The following RBMS3 variants were observed in gnomAD, a reference collection of about 807,000 sequenced individuals.
RBMS3 encodes the protein RNA-binding motif, single-stranded-interacting protein 3.
A neutral mutation model predicts 66.8 loss-of-function variants in RBMS3; 27 were observed. The observed-to-expected ratio is 0.40, with a 90% confidence interval of 0.30 to 0.56. The LOEUF (loss-of-function observed/expected upper bound fraction) is 0.56. RBMS3 is among the 20% of genes least tolerant of loss of function. RBMS3 has a pLI of 0.40. For synonymous variants in RBMS3, 188 were observed against 183.0 expected (o/e 1.03, Z -0.22); for missense variants, 513 against 549.5 (o/e 0.93, Z 0.66).
chr3:29,620,168 T>C (rs529432109), intron 4 of RBMS3, among the ~76,000 whole-genome samples: 77 of 152,280 alleles, frequency 5.1e-4, no homozygotes, highest in African/African-American at 1.8e-3. Flanking sequence ...AATTTAATAA[T>C]TTTTTTCTTG....
At chr3:29,878,085 T>A (rs1269104644) in intron 7 of RBMS3, among the ~76,000 whole-genome samples, 2 of 152,010 alleles carry the variant, frequency 1.3e-5, no homozygotes, top group African/African-American at 4.8e-5. Context: ...TTAGTTAGAT[T>A]CTCAAAAGGA....
At chr3:29,922,540 G>A (rs1021218494) in intron 10 of RBMS3, among the ~76,000 whole-genome samples, 2 of 150,760 alleles carry the variant, frequency 1.3e-5, no homozygotes, top group South Asian at 2.1e-4. Flanking sequence ...CTCAGCATTC[G>A]TGAATGGATG....
At chr3:29,525,797 C>T (rs1480251832) in intron 3 of RBMS3, among the ~76,000 whole-genome samples, 3 of 152,138 alleles carry the variant, frequency 2.0e-5, no homozygotes, top group African/African-American at 7.2e-5. Context: ...TTTCAAGCTC[C>T]TCACAGTTGT....
At chr3:29,399,816 A>G (rs1200656108) in intron 1 of RBMS3, among the ~76,000 whole-genome samples, 1 of 152,196 alleles carries the variant, frequency 6.6e-6, no homozygotes, top group Admixed American at 6.5e-5. Flanking sequence ...ATAGGCAGGT[A>G]GAGAAGTAAA....
chr3:29,434,819 A>G lies in RBMS3; in HGVS notation c.152A>G (p.Asn51Ser). The G allele has an allele frequency of 1.2e-6, 2 of 1,614,060 alleles. No homozygotes were observed. Among genetic ancestry groups the G allele is most frequent in the Non-Finnish European group, 1.7e-6 (2 of 1,179,960 alleles). ...AACAGCAGCAGCAACAACAGCAGCA[A>G]CAACAGCAGCGGGGAACAGTTGAGT... The part of the protein sequence containing the change: ...STNSSSNNSS[N>S]NSSGEQLSKT... Residue 51 changes from asparagine (N) to serine (S), a missense_variant, in exon 2 of 15, where the codon AAC becomes AGC. Physicochemically the swap from Asn to Ser is conservative, Grantham distance 46. Transcript: ENST00000383767.
intron 4 of RBMS3, among the ~76,000 whole-genome samples, chr3:29,604,720 T>G (rs2048263399): frequency 1.3e-5 from 2 of 151,960 alleles, no homozygotes; most frequent in African/African-American, 4.8e-5. Context: ...CTGGATAATT[T>G]GCAATGGATG....
In RBMS3 at chr3:29,790,340, G is replaced by T. The variant is rs562232297; in HGVS notation, c.637+27351G>T. Among the ~76,000 whole-genome samples, 413 of 152,226 alleles carry T rather than the reference G, an allele frequency of 2.7e-3. 2 individuals carry two copies. The highest frequency in any genetic ancestry group is 8.9e-3 in the African/African-American group (368 of 41,536). The stretch of plus-strand genomic sequence containing the variant: ...ATGATATCACTCAATTTTGTGAGGC[G>T]TCTTTTGTAAAGTATAGTAGGCCAT... On this transcript the variant is annotated intron_variant, in intron 6 of 14. Coordinates refer to ENST00000383767, the MANE Select transcript of RBMS3 (RefSeq NM_001003793.3).
At chr3:29,620,617 G>T (rs571725224) in intron 4 of RBMS3, among the ~76,000 whole-genome samples, 1 of 151,678 alleles carries the variant, frequency 6.6e-6, no homozygotes, top group East Asian at 1.9e-4. Context: ...TTTCATATTG[G>T]CATTTAAAAG....
chr3:29,302,916 A>C (rs2033776154), intron 1 of RBMS3, among the ~76,000 whole-genome samples: 1 of 152,046 alleles, frequency 6.6e-6, no homozygotes, highest in African/African-American at 2.4e-5. Context: ...GTTGATCATA[A>C]AGGGATGTTT....
At chr3:29,393,308 A>G (rs2039394381) in intron 1 of RBMS3, among the ~76,000 whole-genome samples, 1 of 152,220 alleles carries the variant, frequency 6.6e-6, no homozygotes, top group Non-Finnish European at 1.5e-5. Context: ...GAAAATAAAT[A>G]CAGCATAATG....
intron 4 of RBMS3, among the ~76,000 whole-genome samples, chr3:29,688,564 ATTTTTTTTTTTTTTTTTTT>A (rs55943638): frequency 2.4e-3 from 159 of 67,124 alleles, no homozygotes; most frequent in South Asian, 5.2e-3. Flanking sequence ...AAGTTACAGG[ATTTTTTTTTTTTTTTTTTT>A]TTTTTTTTTT....
Position 29,982,231 on chromosome 3 carries a change from C to T in RBMS3, c.1099-5912C>T, listed in dbSNP as rs998291451. 5.3e-5 allele frequency among the ~76,000 whole-genome samples: 8 copies of T among 152,104 alleles called. 1 individual carries two copies. The highest frequency in any genetic ancestry group is 1.7e-4 in the African/African-American group (7 of 41,432). Reference sequence around the variant, plus strand: ...TGCATAGAGGTGTTTATAGTATTATCTGATTGTAGTTTGTGTTTCTGTGAG... The same window carrying T: ...TGCATAGAGGTGTTTATAGTATTATTTGATTGTAGTTTGTGTTTCTGTGAG... On this transcript the variant is annotated intron_variant, in intron 12 of 14. Coordinates refer to ENST00000383767, the MANE Select transcript of RBMS3 (RefSeq NM_001003793.3).
At chr3:29,925,688 C>T (rs1318533383) in intron 10 of RBMS3, among the ~76,000 whole-genome samples, 2 of 152,132 alleles carry the variant, frequency 1.3e-5, no homozygotes, top group Non-Finnish European at 2.9e-5. Flanking sequence ...AGACCAAATG[C>T]AGAGCTAAGC....
intron 2 of RBMS3, among the ~76,000 whole-genome samples, chr3:29,486,320 A>T (rs2043314737): frequency 6.6e-6 from 1 of 152,252 alleles, no homozygotes; most frequent in African/African-American, 2.4e-5. Flanking sequence ...GTTAATGCAG[A>T]ATGTTGTAAC....
intron 1 of RBMS3, among the ~76,000 whole-genome samples, chr3:29,325,595 T>C (rs905657165): frequency 6.9e-6 from 1 of 145,214 alleles, no homozygotes; most frequent in Non-Finnish European, 1.5e-5. Flanking sequence ...TGTATATATA[T>C]ACGTGTGTGT....
At chr3:29,575,802 A>G (rs1041603249) in intron 3 of RBMS3, among the ~76,000 whole-genome samples, 1 of 151,934 alleles carries the variant, frequency 6.6e-6, no homozygotes, top group Admixed American at 6.6e-5. Flanking sequence ...TGCATTCTTC[A>G]GTATGTCATT....
chr3:29,630,385 T>G (rs910000826), intron 4 of RBMS3, among the ~76,000 whole-genome samples: 1 of 152,040 alleles, frequency 6.6e-6, no homozygotes, highest in African/African-American at 2.4e-5. Context: ...GTTATAGATT[T>G]CTATTATTCC....
At chr3:29,315,480 A>G (rs1478973629) in intron 1 of RBMS3, among the ~76,000 whole-genome samples, 1 of 151,756 alleles carries the variant, frequency 6.6e-6, no homozygotes, top group Non-Finnish European at 1.5e-5. Context: ...ATGTATATAC[A>G]CATTTAGCTA....
At chr3:29,438,789 G>A (rs1295353659) in intron 2 of RBMS3, among the ~76,000 whole-genome samples, 2 of 152,168 alleles carry the variant, frequency 1.3e-5, no homozygotes, top group Non-Finnish European at 2.9e-5. Context: ...GTGGTGAGGA[G>A]TCAGTGGTGA....
Sources: allele counts gnomAD v4.1 joint callset (sites outside exome capture counted in the v4.1 genomes callset), GRCh38; gene constraint gnomAD v4.1.1; transcripts MANE v1.5; gene names NCBI Gene and HGNC (gene_info 2026-07-23, HGNC 2026-07-21).